The following LRBA variants were observed in gnomAD, a reference collection of about 807,000 sequenced individuals.
LRBA encodes the protein LPS responsive beige-like anchor protein, also known as lipopolysaccharide-responsive and beige-like anchor protein.
LRBA carries 176 observed loss-of-function variants against 330.0 expected under a neutral mutation model. The observed-to-expected ratio is 0.53, with a 90% CI of 0.47 to 0.60. The LOEUF is 0.60. Ranked by LOEUF, LRBA falls within the 20% of genes least tolerant of loss-of-function variation. The probability of loss-of-function intolerance (pLI) is 0.00; values close to 1 mark genes in which losing one functional copy is unlikely to be tolerated. For synonymous variants in LRBA, 1,230 were observed against 1,193.0 expected, an observed-to-expected ratio of 1.03 and a Z score of -0.64; for missense variants, 3,259 against 3,444.8, an observed-to-expected ratio of 0.95 and a Z score of 1.35.
intron 46 of LRBA, 82 bp from the exon 47 acceptor site, chr4:150,415,672 C>T: frequency 7.4e-6 from 6 of 814,738 alleles, no homozygotes; most frequent in Non-Finnish European, 1.2e-5. Flanking sequence ...TGATCATTTT[C>T]TATTGTTCAG....
At chr4:150,383,097 T>C (rs1489507231) in intron 47 of LRBA, among the ~76,000 whole-genome samples, 1 of 152,222 alleles carries the variant, frequency 6.6e-6, no homozygotes, top group Non-Finnish European at 1.5e-5. Flanking sequence ...GCACATCTTA[T>C]GGATGATTAA....
In LRBA at chr4:150,921,275, A is replaced by G; in HGVS notation, c.568T>C (p.Leu190=). 6.2e-7 allele frequency: 1 copy of G among 1,610,364 alleles called. No individual in the cohort carries two copies. Among genetic ancestry groups the G allele is most frequent in the East Asian group, 2.2e-5 (1 of 44,848 alleles). ...KGRWPPHAGK[L]LSVLKHMPQK... is the part of the protein sequence containing the mutation. ...GGCATATGCTTTAACACAGACAGCA[A>G]CTTCCCAGCATGTGGAGGCTATGAA... is the stretch of plus-strand genomic sequence containing the variant. Residue 190 remains leucine (L), a synonymous_variant, in exon 5 of 57, where the codon TTG becomes CTG. Coordinates refer to ENST00000651943, the MANE Select transcript of LRBA (RefSeq NM_001364905.1).
In LRBA at chr4:150,494,911, A is replaced by AATGGCATGAACCTGGG. The variant is rs570692055; in HGVS notation, c.6331-3892_6331-3877dup. Among the ~76,000 whole-genome samples, 1,126 of 152,176 alleles carry AATGGCATGAACCTGGG rather than the reference A, an allele frequency of 7.4e-3. 5 individuals are homozygous for AATGGCATGAACCTGGG. The highest frequency in any genetic ancestry group is 0.025 in the African/African-American group (1,051 of 41,532). On this transcript the variant is annotated intron_variant, in intron 40 of 56. Transcript: ENST00000651943. ...GCTACTTGGGAGTCTGACGCAGGTG[A>AATGGCATGAACCTGGG]ATGGCATGAACCTGGGAGGCGGAGC...
chr4:150,568,029 G>C (rs1165169588), intron 40 of LRBA, among the ~76,000 whole-genome samples: 1 of 152,260 alleles, frequency 6.6e-6, no homozygotes, highest in South Asian at 2.1e-4. Flanking sequence ...CACTTGCCCG[G>C]GCACTGTGGC....
chr4:150,370,594 G>C (rs1019453089), intron 47 of LRBA, among the ~76,000 whole-genome samples: 1 of 152,052 alleles, frequency 6.6e-6, no homozygotes, highest in Non-Finnish European at 1.5e-5. Flanking sequence ...TATTCTGTAT[G>C]GTACTATACA....
intron 34 of LRBA, among the ~76,000 whole-genome samples, chr4:150,788,295 C>A (rs1041570222): frequency 1.5e-5 from 2 of 134,438 alleles, no homozygotes; most frequent in Admixed American, 1.5e-4. Context: ...GATAGGGTTT[C>A]GCCATGTTAG....
At chr4:150,518,465 T>C (rs1008849627) in intron 40 of LRBA, among the ~76,000 whole-genome samples, 3 of 152,226 alleles carry the variant, frequency 2.0e-5, no homozygotes, top group South Asian at 4.1e-4. Context: ...GGGAGGCTAC[T>C]GTATGGTCAT....
intron 34 of LRBA, among the ~76,000 whole-genome samples, chr4:150,777,066 T>TTTGTTGCTG (rs1553959733): frequency 1.8e-4 from 24 of 134,306 alleles, no homozygotes; most frequent in Admixed American, 1.5e-3. Flanking sequence ...TTTGAGGGGT[T>TTTGTTGCTG]TTGTTGTTGT....
In LRBA at chr4:150,534,314, G is replaced by T. The variant is rs1764382291; in HGVS notation, c.6331-43279C>A. On this transcript the variant is annotated intron_variant, in intron 40 of 56. Coordinates refer to ENST00000651943, the MANE Select transcript of LRBA (RefSeq NM_001364905.1). Reference sequence around the variant, plus strand: ...TACATATGTAACTAACCTGCACATTGTGCACATGTACCCTAAAACTTGAAG... The same window carrying T: ...TACATATGTAACTAACCTGCACATTTTGCACATGTACCCTAAAACTTGAAG... Among the ~76,000 whole-genome samples the T allele has an allele frequency of 2.0e-5, 3 of 146,804 alleles. No homozygotes were observed. The Admixed American group carries it at 2.1e-4, about 10-fold the overall frequency.
intron 2 of LRBA, among the ~76,000 whole-genome samples, chr4:150,964,632 G>GTT (rs1561066614): frequency 6.6e-6 from 1 of 150,690 alleles, no homozygotes; most frequent in Admixed American, 6.6e-5. Context: ...CAGCATACTC[G>GTT]TTAAGAGTCA....
chr4:150,548,572 T>C (rs1766148522), intron 40 of LRBA, among the ~76,000 whole-genome samples: 1 of 152,092 alleles, frequency 6.6e-6, no homozygotes, highest in Non-Finnish European at 1.5e-5. Context: ...CTAGTCTATA[T>C]TAAAATATAA....
chr4:150,905,795 A>T (rs779575020), intron 13 of LRBA, 43 bp downstream of exon 13: 88 of 1,512,236 alleles, frequency 5.8e-5, no homozygotes, highest in Non-Finnish European at 7.6e-5. Flanking sequence ...GCACAAAAAC[A>T]GCAAAGATAG....
intron 40 of LRBA, among the ~76,000 whole-genome samples, chr4:150,548,973 A>G (rs77412757): frequency 0.017 from 2,602 of 152,286 alleles, 83 homozygotes; most frequent in African/African-American, 0.058. Context: ...AAGCAGGCTC[A>G]TTTGCCAAAG....
At chr4:150,497,225 C>G (rs964350418) in intron 40 of LRBA, among the ~76,000 whole-genome samples, 1 of 152,060 alleles carries the variant, frequency 6.6e-6, no homozygotes, top group Non-Finnish European at 1.5e-5. Context: ...AAGCATAGCA[C>G]GTAATTTACT....
At chr4:150,916,881 C>T (rs1387538992) in intron 5 of LRBA, 143 bp from the exon 6 acceptor site, 21 of 595,184 alleles carry the variant, frequency 3.5e-5, no homozygotes, top group South Asian at 7.1e-5. Context: ...AGGCCGGGCG[C>T]GGTGGCTCAC....
intron 47 of LRBA, among the ~76,000 whole-genome samples, chr4:150,378,834 G>A (rs967555810): frequency 6.6e-6 from 1 of 152,046 alleles, no homozygotes; most frequent in African/African-American, 2.4e-5. Flanking sequence ...ATGTACCTTA[G>A]CAATCACTCA....
rs141111065 is a variant in LRBA at position 150,633,864 on chromosome 4, C to A, written c.5922-34733G>T. 4.6e-3 allele frequency among the ~76,000 whole-genome samples: 699 copies of A among 152,282 alleles called. 6 individuals are homozygous for A. The highest frequency in any genetic ancestry group is 0.016 in the African/African-American group (668 of 41,544). On this transcript the variant is annotated intron_variant, in intron 37 of 56. Coordinates refer to ENST00000651943, the MANE Select transcript of LRBA (RefSeq NM_001364905.1). Reference sequence around the variant, plus strand: ...ATGCGGTGGCTCACACCTGTAATCCCAGCACTTTGGGAGGCCGAGGTGGGT... The same window carrying A: ...ATGCGGTGGCTCACACCTGTAATCCAAGCACTTTGGGAGGCCGAGGTGGGT...
At chr4:150,438,359 T>C (rs1751399194) in intron 44 of LRBA, among the ~76,000 whole-genome samples, 1 of 152,118 alleles carries the variant, frequency 6.6e-6, no homozygotes, top group South Asian at 2.1e-4. Context: ...GGCATGTCCC[T>C]GTAATCCCAG....
In LRBA at chr4:150,370,463, T is replaced by C. The variant is rs369850270; in HGVS notation, c.7195-20304A>G. ...AGGTTACATACTATATGATTCCAAC[T>C]ATATGATACATTGGAAAAGGCAAAA... On this transcript the variant is annotated intron_variant, in intron 47 of 56. Coordinates refer to ENST00000651943, the MANE Select transcript of LRBA (RefSeq NM_001364905.1). Among the ~76,000 whole-genome samples the C allele has an allele frequency of 2.4e-4, 37 of 151,898 alleles. No homozygotes were observed. The East Asian group carries it at 7.1e-3, about 29-fold the overall frequency.
Sources: gnomAD v4.1 joint callset for allele counts (sites outside exome capture counted in the v4.1 genomes callset) on GRCh38, gnomAD v4.1.1 for gene constraint, MANE v1.5 for transcripts, NCBI Gene and HGNC (gene_info 2026-07-23, HGNC 2026-07-21) for gene names.